Variants in MALSU1 observed in about 807,000 individuals in gnomAD.
MALSU1 encodes the protein mitochondrial assembly of ribosomal large subunit 1.
A neutral mutation model predicts 22.1 loss-of-function variants in MALSU1; 22 were observed. The observed-to-expected ratio is 1.00, with a 90% confidence interval of 0.71 to 1.42. MALSU1 has a LOEUF of 1.42. Ranked by LOEUF, MALSU1 falls within the 40% of genes most tolerant of loss-of-function variation. The pLI, the probability that MALSU1 is intolerant of heterozygous loss-of-function variation, is 0.00. For missense variants in MALSU1, 379 were observed against 308.3 expected, an observed-to-expected ratio of 1.23 and a Z score of -1.72; for synonymous variants, 153 against 118.5, an observed-to-expected ratio of 1.29 and a Z score of -1.89.
chr7:23,301,220 A>T (rs553369584), intron 2 of MALSU1: 1 of 442,902 alleles, frequency 2.3e-6, no homozygotes, highest in South Asian at 5.7e-5. Context: ...TTGAGTTAGG[A>T]TATATCAAAA....
At chr7:23,309,321 A>G (rs368751023) in intron 3 of MALSU1, 35 bp from the exon 4 acceptor site, 7 of 1,559,246 alleles carry the variant, frequency 4.5e-6, no homozygotes, top group Non-Finnish European at 6.1e-6. Flanking sequence ...CAAATGAACT[A>G]TTCCTTCATT....
rs1666515897 is a variant in MALSU1 at position 23,310,871 on chromosome 7, ATCAAT to A, written c.*1332_*1336del. 2 of 152,194 alleles carry A rather than the reference ATCAAT, an allele frequency of 1.3e-5. No individual in the cohort carries two copies. Among genetic ancestry groups the A allele is most frequent in the African/African-American group, 2.4e-5 (1 of 41,450 alleles). The allele number at this position is 152,194 out of a possible 1,614,324, so 9.4% of individuals were successfully genotyped here. ...TCATCTTACAAACAAAACTCAAAAAATCAATTCAGAGAGCAGCGTGGCCTTGGAGA... is the reference window on the plus strand; with the variant it reads ...TCATCTTACAAACAAAACTCAAAAAATCAGAGAGCAGCGTGGCCTTGGAGA... On this transcript the variant is annotated 3_prime_UTR_variant, in exon 4 of 4. Coordinates refer to ENST00000466681, the MANE Select transcript of MALSU1 (RefSeq NM_138446.2).
intron 1 of MALSU1, 131 bp downstream of exon 1, chr7:23,299,739 T>C: frequency 7.4e-6 from 8 of 1,083,890 alleles, no homozygotes; most frequent in Non-Finnish European, 1.0e-5. Flanking sequence ...CATCCAGAGC[T>C]GGAAGGGACT....
In MALSU1 at chr7:23,301,187, A is replaced by T; in HGVS notation, c.435+170A>T. The stretch of plus-strand genomic sequence containing the variant: ...TTTATGTTCTTTGATAGTGAAACAT[A>T]TGGGAGCAAATATCCAGCCCTATTG... On this transcript the variant is annotated intron_variant, in intron 2 of 3. Coordinates refer to ENST00000466681, the MANE Select transcript of MALSU1 (RefSeq NM_138446.2). 5.2e-6 allele frequency: 3 copies of T among 579,544 alleles called. No homozygotes were observed. In the South Asian group the frequency reaches 7.7e-5, roughly 15 times the overall value. The allele number at this position is 579,544 out of a possible 1,614,324, so 35.9% of individuals were successfully genotyped here.
rs1386067936 is a variant in MALSU1, at chr7:23,311,713, G to A, written c.*2170G>A. Reference sequence around the variant, plus strand: ...ATTTTAAATTTATTTTTTAAAAAACGGTTGGACTTCTATCATTATAAAGTA... The same window carrying A: ...ATTTTAAATTTATTTTTTAAAAAACAGTTGGACTTCTATCATTATAAAGTA... On this transcript the variant is annotated 3_prime_UTR_variant, in exon 4 of 4. Transcript: ENST00000466681. 1 of 145,202 alleles carries A rather than the reference G, an allele frequency of 6.9e-6. No homozygotes were observed. The highest frequency in any genetic ancestry group is 2.0e-4 in the East Asian group (1 of 4,902). 9.0% of individuals were successfully genotyped at this position (145,202 alleles called of 1,614,324 possible).
chr7:23,309,597 G>GA lies in MALSU1; in HGVS notation c.*58dup. On this transcript the variant is annotated 3_prime_UTR_variant, in exon 4 of 4. Coordinates refer to ENST00000466681, the MANE Select transcript of MALSU1 (RefSeq NM_138446.2). The stretch of plus-strand genomic sequence containing the variant: ...CAGATTTGGATTGAGTCACTTATTG[G>GA]AAAATACAGCTCCTAAAGTCCGTCT... 7.1e-7 allele frequency: 1 copy of GA among 1,408,828 alleles called. No homozygotes were observed. The highest frequency in any genetic ancestry group is 9.6e-7 in the Non-Finnish European group (1 of 1,040,806). 87.3% of individuals were successfully genotyped at this position (1,408,828 alleles called of 1,614,324 possible).
At chr7:23,306,188 C>G in intron 2 of MALSU1, among the ~76,000 whole-genome samples, 1 of 151,098 alleles carries the variant, frequency 6.6e-6, no homozygotes, top group East Asian at 1.9e-4. Context: ...GAGCGAAACT[C>G]AAAACAAGAA....
chr7:23,305,005 C>T (rs867068983), intron 2 of MALSU1, among the ~76,000 whole-genome samples: 2 of 152,130 alleles, frequency 1.3e-5, no homozygotes, highest in African/African-American at 4.8e-5. Context: ...AATTGCCAAA[C>T]CAGTATCATG....
In MALSU1 at chr7:23,299,425, G is replaced by A; in HGVS notation, c.73G>A (p.Gly25Arg). Residue 25 changes from glycine (G) to arginine (R), a missense_variant, in exon 1 of 4, where the codon GGG (glycine) becomes AGG (arginine). Coordinates refer to ENST00000466681, the MANE Select transcript of MALSU1 (RefSeq NM_138446.2). Reference protein sequence around the residue: ...MWRRAVSSVAGSAVGAEPGLR... With the variant: ...MWRRAVSSVARSAVGAEPGLR... ...GCGCAGGGCGGTTTCCTCGGTGGCG[G>A]GGTCCGCGGTTGGAGCCGAGCCCGG... is the stretch of plus-strand genomic sequence containing the variant. The A allele has an allele frequency of 1.2e-6, 2 of 1,602,952 alleles. No homozygotes were observed. The highest frequency in any genetic ancestry group is 1.7e-6 in the Non-Finnish European group (2 of 1,178,374).
chr7:23,302,626 G>A (rs1039515300), intron 2 of MALSU1, among the ~76,000 whole-genome samples: 2 of 152,056 alleles, frequency 1.3e-5, no homozygotes, highest in Admixed American at 6.5e-5. Context: ...TTGGACTTGC[G>A]GATGTAAAAA....
chr7:23,301,900 C>T (rs867418388), intron 2 of MALSU1, among the ~76,000 whole-genome samples: 2 of 150,372 alleles, frequency 1.3e-5, no homozygotes, highest in African/African-American at 4.9e-5. Flanking sequence ...ACCTGGGAGG[C>T]GGAGGTTGCA....
rs139282129 is a variant in MALSU1, at chr7:23,309,402, T to G, written c.564T>G (p.Tyr188Ter). The change falls in exon 4 of 4, where the codon TAT becomes TAG. Residue 188 changes from tyrosine (Y) to a stop codon, truncating the protein, a stop_gained. Coordinates refer to ENST00000466681, the MANE Select transcript of MALSU1 (RefSeq NM_138446.2). LOFTEE classifies it high-confidence loss of function. ...TGCTTCCAGAAACCAGAGAAATCTA[T>G]GAATTAGAGAAATTATGGACCCTAC... ...HLMLPETREI[Y>*]ELEKLWTLRS... 1.7e-5 allele frequency: 28 copies of G among 1,613,174 alleles called. No individual in the cohort carries two copies. The highest frequency in any genetic ancestry group is 2.2e-5 in the Non-Finnish European group (26 of 1,179,762).
At chr7:23,303,022 A>G (rs1019404543) in intron 2 of MALSU1, among the ~76,000 whole-genome samples, 1 of 152,152 alleles carries the variant, frequency 6.6e-6, no homozygotes, top group Non-Finnish European at 1.5e-5. Flanking sequence ...TCGGCCTCCC[A>G]AAGTGCTGGG....
At position 23,310,445 on chromosome 7, in the gene MALSU1, A is replaced by G. The variant is rs550026055; in HGVS notation, c.*902A>G. On this transcript the variant is annotated 3_prime_UTR_variant, in exon 4 of 4. Transcript: ENST00000466681. ...AATATGACAGAATTTAAACCAGCAG[A>G]TATAAATGCAGCACCTATGTGTATA... 1 of 152,280 alleles carries G rather than the reference A, an allele frequency of 6.6e-6. No individual in the cohort carries two copies. The highest frequency in any genetic ancestry group is 1.5e-5 in the Non-Finnish European group (1 of 68,050). The allele number at this position is 152,280 out of a possible 1,614,324, so 9.4% of individuals were successfully genotyped here.
At position 23,309,731 on chromosome 7, in the gene MALSU1, G is replaced by T; in HGVS notation, c.*188G>T. On this transcript the variant is annotated 3_prime_UTR_variant, in exon 4 of 4. Transcript: ENST00000466681. Reference sequence around the variant, plus strand: ...GAGCTATACCTGCAACCAAAAATCAGTACATTCTACCCAAAACTTATGACA... The same window carrying T: ...GAGCTATACCTGCAACCAAAAATCATTACATTCTACCCAAAACTTATGACA... 2.5e-6 allele frequency: 1 copy of T among 403,056 alleles called. No homozygotes were observed. 25.0% of individuals were successfully genotyped at this position (403,056 alleles called of 1,614,324 possible).
At chr7:23,304,729 A>G (rs1783702155) in intron 2 of MALSU1, among the ~76,000 whole-genome samples, 1 of 152,114 alleles carries the variant, frequency 6.6e-6, no homozygotes, top group African/African-American at 2.4e-5. Context: ...TTTTATAGAG[A>G]CAGGGTCTCA....
In MALSU1 at chr7:23,309,366, G is replaced by A; in HGVS notation, c.528G>A (p.Val176=). 1 of 1,609,586 alleles carries A rather than the reference G, an allele frequency of 6.2e-7. No homozygotes were observed. ...ATCTGTCCCTGACAGGCAGCATGGT[G>A]ATTCATTTGATGCTTCCAGAAACCA... is the stretch of plus-strand genomic sequence containing the variant. ...DWLCVDFGSM[V]IHLMLPETRE... Residue 176 remains valine (V), a synonymous_variant, in exon 4 of 4, where the codon GTG becomes GTA. Transcript: ENST00000466681.
Position 23,309,494 on chromosome 7 carries a change from TAGA to T in MALSU1, c.660_662del (p.Glu220del), listed in dbSNP as rs1169098721. On this transcript the variant is annotated inframe_deletion, in exon 4 of 4. Coordinates refer to ENST00000466681, the MANE Select transcript of MALSU1 (RefSeq NM_138446.2). ...GTACCTGAAGACTTCATTCTTGGAA[TAGA>T]AGATGATACTTCATCTGTGACTCCA... The T allele has an allele frequency of 3.7e-6, 6 of 1,611,902 alleles. No individual in the cohort carries two copies. The highest frequency in any genetic ancestry group is 2.7e-5 in the African/African-American group (2 of 74,812).
chr7:23,309,137 A>G (rs1245132197), intron 3 of MALSU1, among the ~76,000 whole-genome samples: 3 of 152,234 alleles, frequency 2.0e-5, no homozygotes, highest in Non-Finnish European at 4.4e-5. Context: ...ATCACCAGCA[A>G]TGTTATATAT....
Sources: gnomAD v4.1 joint callset for allele counts (sites outside exome capture counted in the v4.1 genomes callset) on GRCh38, gnomAD v4.1.1 for gene constraint, MANE v1.5 for transcripts, NCBI Gene and HGNC (gene_info 2026-07-23, HGNC 2026-07-21) for gene names.